Variants in IRF5 observed in about 807,000 individuals in gnomAD.
IRF5 encodes the protein interferon regulatory factor 5.
In IRF5, 24 loss-of-function variants were observed where a neutral mutation model predicts 55.1. That is an observed-to-expected ratio of 0.44 (90% CI 0.32 to 0.61). The LOEUF is 0.61. Ranked by LOEUF, IRF5 falls within the 20% of genes least tolerant of loss-of-function variation. IRF5 has a pLI of 0.07. For synonymous variants in IRF5, 258 were observed against 260.2 expected, an observed-to-expected ratio of 0.99 and a Z score of 0.08; for missense variants, 499 against 658.5, an observed-to-expected ratio of 0.76 and a Z score of 2.65.
rs1204076485 is a variant in IRF5 at position 128,945,725 on chromosome 7, G to A, written c.196-120G>A. The A allele has an allele frequency of 5.2e-5, 50 of 954,468 alleles. No individual in the cohort carries two copies. In the South Asian group the frequency reaches 8.7e-4, roughly 17 times the overall value. The allele number at this position is 954,468 out of a possible 1,614,324, so 59.1% of individuals were successfully genotyped here. A position where few individuals can be genotyped will look rare whatever the true frequency, so the allele number is the denominator to read the frequency against. ...CTGCAAACCAGGTCTGGGGCTCAGCGAGGCTCAGCCTGTAGCCGAAGTTCT... is the reference window on the plus strand; with the variant it reads ...CTGCAAACCAGGTCTGGGGCTCAGCAAGGCTCAGCCTGTAGCCGAAGTTCT... On this transcript the variant is annotated intron_variant, in intron 2 of 8. Coordinates refer to ENST00000357234, the MANE Select transcript of IRF5 (RefSeq NM_001098629.3).
rs1306748647 is a variant in IRF5 at position 128,944,699 on chromosome 7, A to G, written c.196-1146A>G. 2.0e-5 allele frequency among the ~76,000 whole-genome samples: 3 copies of G among 152,332 alleles called. No homozygotes were observed. In the East Asian group the frequency reaches 5.8e-4, roughly 29 times the overall value. ...AACTATCCTTTCCTCTACTTTTCAT[A>G]AGAAATGCTAGATATCTGCATATTT... On this transcript the variant is annotated intron_variant, in intron 2 of 8. Coordinates refer to ENST00000357234, the MANE Select transcript of IRF5 (RefSeq NM_001098629.3).
At position 128,948,262 on chromosome 7, in the gene IRF5, C is replaced by A. The variant is rs779776848; in HGVS notation, c.1233C>A (p.Ile411=). The A allele has an allele frequency of 3.7e-6, 6 of 1,613,856 alleles. No individual in the cohort carries two copies. Among genetic ancestry groups the A allele is most frequent in the Non-Finnish European group, 5.1e-6 (6 of 1,179,892 alleles). ...CCAACACCCCACCACCCTTCGAGATCTTCTTCTGCTTTGGGGAAGAATGGC... is the reference window on the plus strand; with the variant it reads ...CCAACACCCCACCACCCTTCGAGATATTCTTCTGCTTTGGGGAAGAATGGC... ...GQTNTPPPFE[I]FFCFGEEWPD... is the part of the protein sequence containing the mutation. The change falls in exon 8 of 9, where the codon ATC becomes ATA. Residue 411 remains isoleucine, a synonymous_variant. Coordinates refer to ENST00000357234, the MANE Select transcript of IRF5 (RefSeq NM_001098629.3). The surrounding 1 kb of genome is among the most constrained non-coding windows in gnomAD (Gnocchi z 4.6).
Position 128,945,934 on chromosome 7 carries a change from C to G in IRF5, c.285C>G (p.Asn95Lys). The G allele has an allele frequency of 6.2e-7, 1 of 1,613,648 alleles. No homozygotes were observed. Among genetic ancestry groups the G allele is most frequent in the Non-Finnish European group, 8.5e-7 (1 of 1,179,878 alleles). ...KWKANLRCALNKSRDFRLIYD... is the reference protein window; with the variant it reads ...KWKANLRCALKKSRDFRLIYD... ...AGGCCAACCTGCGCTGTGCCCTTAA[C>G]AAGAGCCGGGACTTCCGCCTCATCT... is the stretch of plus-strand genomic sequence containing the variant. Residue 95 changes from asparagine (N) to lysine (K), a missense_variant, in exon 3 of 9, where the codon AAC (asparagine) becomes AAG (lysine). Transcript: ENST00000357234.
intron 1 of IRF5, chr7:128,941,545 C>T (rs1052801327): frequency 6.6e-6 from 1 of 152,528 alleles, no homozygotes; most frequent in Non-Finnish European, 1.5e-5. Context: ...GGAGGGAACT[C>T]TCAGGGGATG....
chr7:128,943,425 A>C (rs1488676362), intron 2 of IRF5, among the ~76,000 whole-genome samples: 1 of 144,364 alleles, frequency 6.9e-6, no homozygotes, highest in East Asian at 2.0e-4. Context: ...CTAGTGTTGC[A>C]CCATTGGTGA....
upstream of IRF5, chr7:128,937,677 T>C (rs6968563): frequency 0.053 from 8,049 of 152,408 alleles, 257 homozygotes; most frequent in East Asian, 0.096. Context: ...AGGGCCCAAC[T>C]GAGCACTGCA....
At position 128,947,623 on chromosome 7, in the gene IRF5, G is replaced by A. The variant is rs992464177; in HGVS notation, c.787+88G>A. 3.0e-5 allele frequency: 45 copies of A among 1,514,812 alleles called. No individual in the cohort carries two copies. The highest frequency in any genetic ancestry group is 4.0e-5 in the Non-Finnish European group (45 of 1,137,592). 93.8% of individuals were successfully genotyped at this position (1,514,812 alleles called of 1,614,324 possible). ...AGGGTGGAGGGTGCTGGACTCCCTT[G>A]GGTGGGAAAAGTGGGAGGGCGGATG... On this transcript the variant is annotated intron_variant, in intron 6 of 8. Transcript: ENST00000357234. The surrounding 1 kb of genome is among the most constrained non-coding windows in gnomAD (Gnocchi z 6.5).
Position 128,949,416 on chromosome 7 carries a change from A to T in IRF5, c.*598A>T, listed in dbSNP as rs914730564. ...CAGCTGTTTCTTTCCTTTTACTACTACCAGTTGCTCCCATGCTGCTCCACC... is the reference window on the plus strand; with the variant it reads ...CAGCTGTTTCTTTCCTTTTACTACTTCCAGTTGCTCCCATGCTGCTCCACC... On this transcript the variant is annotated 3_prime_UTR_variant, in exon 9 of 9. Coordinates refer to ENST00000357234, the MANE Select transcript of IRF5 (RefSeq NM_001098629.3). 5 of 152,262 alleles carry T rather than the reference A, an allele frequency of 3.3e-5. No individual in the cohort carries two copies. Among genetic ancestry groups the T allele is most frequent in the African/African-American group, 1.2e-4 (5 of 41,450 alleles). The allele number at this position is 152,262 out of a possible 1,614,324, so 9.4% of individuals were successfully genotyped here.
intron 1 of IRF5, among the ~76,000 whole-genome samples, chr7:128,941,591 TA>T (rs900341951): frequency 6.6e-6 from 1 of 152,102 alleles, no homozygotes; most frequent in African/African-American, 2.4e-5. Context: ...AGAATCGAAC[TA>T]GGGGTGTAGA....
chr7:128,943,201 AT>A, intron 2 of IRF5: 3 of 211,144 alleles, frequency 1.4e-5, no homozygotes, highest in Non-Finnish European at 2.0e-5. Flanking sequence ...CAACTGGCTA[AT>A]TTTTTGTACT....
chr7:128,946,478 G>T lies in IRF5; in HGVS notation c.386-23G>T, dbSNP rs767194622. The T allele has an allele frequency of 5.6e-6, 9 of 1,594,546 alleles. No individual in the cohort carries two copies. Among genetic ancestry groups the T allele is most frequent in the Admixed American group, 3.6e-5 (2 of 56,286 alleles). The stretch of plus-strand genomic sequence containing the variant: ...CCGACATTGACTCCTTTACTGCCCT[G>T]CTTTTCTCTCCCTGCTGTGCAGACT... On this transcript the variant is annotated intron_variant, in intron 3 of 8. Coordinates refer to ENST00000357234, the MANE Select transcript of IRF5 (RefSeq NM_001098629.3). The surrounding 1 kb of genome is among the most constrained non-coding windows in gnomAD (Gnocchi z 4.2).
chr7:128,947,242 C>A lies in IRF5; in HGVS notation c.494C>A (p.Ser165Tyr). 6.2e-7 allele frequency: 1 copy of A among 1,605,676 alleles called. No homozygotes were observed. The highest frequency in any genetic ancestry group is 1.1e-5 in the South Asian group (1 of 89,600). The change falls in exon 6 of 9, where the codon TCT becomes TAT. Residue 165 changes from serine (S) to tyrosine (Y), a missense_variant. Coordinates refer to ENST00000357234, the MANE Select transcript of IRF5 (RefSeq NM_001098629.3). This position sits in a 1 kb window ranked among gnomAD's most constrained non-coding sequence, Gnocchi z 6.5. ...GCACTCTCTGTAGATGCAGTGCAGT[C>A]TGGCCCCCACATGACACCCTATTCT... ...PSLSLTDAVQ[S>Y]GPHMTPYSLL...
At position 128,946,375 on chromosome 7, in the gene IRF5, T is replaced by C; in HGVS notation, c.386-126T>C. 8.5e-7 allele frequency: 1 copy of C among 1,181,570 alleles called. No homozygotes were observed. Among genetic ancestry groups the C allele is most frequent in the Non-Finnish European group, 1.2e-6 (1 of 835,868 alleles). 73.2% of individuals were successfully genotyped at this position (1,181,570 alleles called of 1,614,324 possible). A position where few individuals can be genotyped will look rare whatever the true frequency, so the allele number is the denominator to read the frequency against. ...GGTGGCTGTGCCCTCCACCTCGCCC[T>C]GTGTTGGGGGCAGCTTTGGGGAAGG... On this transcript the variant is annotated intron_variant, in intron 3 of 8. Transcript: ENST00000357234. This position sits in a 1 kb window ranked among gnomAD's most constrained non-coding sequence, Gnocchi z 4.2.
intron 2 of IRF5, 70 bp from the exon 3 acceptor site, chr7:128,945,775 G>A: frequency 2.8e-6 from 4 of 1,452,894 alleles, no homozygotes; most frequent in Non-Finnish European, 3.8e-6. Flanking sequence ...GTCTCCTATG[G>A]GACAGGAGGC....
At position 128,945,840 on chromosome 7, in the gene IRF5, C is replaced by A; in HGVS notation, c.196-5C>A. The A allele has an allele frequency of 6.2e-7, 1 of 1,601,556 alleles. No homozygotes were observed. On this transcript the variant is annotated splice_region_variant and splice_polypyrimidine_tract_variant and intron_variant, in intron 2 of 8. Coordinates refer to ENST00000357234, the MANE Select transcript of IRF5 (RefSeq NM_001098629.3). Reference sequence around the variant, plus strand: ...TCTGTGGTCGGCTATTTCTTCCTGCCCCAGGCCTGGGCCAAGGAGACAGGG... The same window carrying A: ...TCTGTGGTCGGCTATTTCTTCCTGCACCAGGCCTGGGCCAAGGAGACAGGG...
At position 128,948,865 on chromosome 7, in the gene IRF5, G is replaced by A. The variant is rs746719452; in HGVS notation, c.*47G>A. The A allele has an allele frequency of 7.0e-6, 11 of 1,577,912 alleles. No homozygotes were observed. The highest frequency in any genetic ancestry group is 1.7e-5 in the Admixed American group (1 of 58,836). On this transcript the variant is annotated 3_prime_UTR_variant, in exon 9 of 9. Transcript: ENST00000357234. The surrounding 1 kb of genome is among the most constrained non-coding windows in gnomAD (Gnocchi z 4.6). ...GCCCTGGCTTCCTGGGTGGCGGTGC[G>A]GACTGATGTGGAGATGTGACAGCCC...
intron 2 of IRF5, among the ~76,000 whole-genome samples, chr7:128,945,431 G>A (rs555739252): frequency 3.3e-5 from 5 of 152,312 alleles, no homozygotes; most frequent in Non-Finnish European, 5.9e-5. Context: ...AGTCTTCGCT[G>A]CCACTCCATG....
upstream of IRF5, chr7:128,937,500 G>C (rs1795812166): frequency 6.6e-6 from 1 of 152,434 alleles, no homozygotes; most frequent in Admixed American, 6.5e-5. Flanking sequence ...CATCTGGAAG[G>C]GGTGTCTGGA....
At chr7:128,944,116 T>TCCC (rs1796183385) in intron 2 of IRF5, among the ~76,000 whole-genome samples, 1 of 152,230 alleles carries the variant, frequency 6.6e-6, no homozygotes, top group African/African-American at 2.4e-5. Flanking sequence ...CAAGTGAATA[T>TCCC]CTTGATTTAT....
Sources: allele counts gnomAD v4.1 joint callset (sites outside exome capture counted in the v4.1 genomes callset), GRCh38; gene constraint gnomAD v4.1.1; non-coding constraint Gnocchi (gnomAD v3.1); transcripts MANE v1.5; gene names NCBI Gene and HGNC (gene_info 2026-07-23, HGNC 2026-07-21).